The following STIM2 variants were observed in gnomAD, a reference collection of about 807,000 sequenced individuals.
The protein encoded by STIM2 is stromal interaction molecule 2.
STIM2 carries 31 observed loss-of-function variants against 85.8 expected under a neutral mutation model. That is an observed-to-expected ratio of 0.36 (90% CI 0.27 to 0.49). The LOEUF is 0.49. Ranked by LOEUF, STIM2 falls within the 20% of genes least tolerant of loss-of-function variation. The pLI is 0.98. For synonymous variants in STIM2, 356 were observed against 331.1 expected (o/e 1.08, Z -0.82); for missense variants, 841 against 927.6 (o/e 0.91, Z 1.21).
intron 2 of STIM2, among the ~76,000 whole-genome samples, chr4:26,952,956 G>A (rs1002849909): frequency 6.6e-6 from 1 of 152,016 alleles, no homozygotes; most frequent in African/African-American, 2.4e-5. Context: ...TACTTTTCTT[G>A]TGGATTTTTT....
intron 10 of STIM2, among the ~76,000 whole-genome samples, chr4:27,015,121 G>A (rs1371073525): frequency 6.6e-6 from 1 of 151,760 alleles, no homozygotes; most frequent in Non-Finnish European, 1.5e-5. Context: ...ATATGTTTCT[G>A]GCTAAGTTAA....
chr4:26,971,125 T>C (rs1050915357), intron 3 of STIM2, among the ~76,000 whole-genome samples: 23 of 152,224 alleles, frequency 1.5e-4, no homozygotes, highest in Non-Finnish European at 8.8e-5. Flanking sequence ...TTGAGTTCTT[T>C]GTAGATTCTG....
intron 2 of STIM2, among the ~76,000 whole-genome samples, chr4:26,923,700 C>A: frequency 2.1e-5 from 1 of 48,700 alleles, no homozygotes; most frequent in African/African-American, 8.3e-5. Context: ...TATAAATGGA[C>A]TAAATTCTGC....
intron 1 of STIM2, among the ~76,000 whole-genome samples, chr4:26,876,987 A>G (rs1177621962): frequency 6.6e-6 from 1 of 152,186 alleles, no homozygotes; most frequent in Non-Finnish European, 1.5e-5. Context: ...TAAGGTAACT[A>G]TAACTTAACC....
chr4:26,953,299 C>T (rs1043186473), intron 2 of STIM2, among the ~76,000 whole-genome samples: 5 of 152,130 alleles, frequency 3.3e-5, no homozygotes, highest in African/African-American at 1.2e-4. Flanking sequence ...TAAACTTTGA[C>T]ATTGATTCAA....
chr4:26,913,515 T>G (rs1724417411), intron 1 of STIM2, among the ~76,000 whole-genome samples: 1 of 152,192 alleles, frequency 6.6e-6, no homozygotes, highest in Admixed American at 6.5e-5. Context: ...GAATAGAATT[T>G]ATACTTTAGG....
At chr4:26,932,914 A>G (rs1372969384) in intron 2 of STIM2, among the ~76,000 whole-genome samples, 6 of 152,264 alleles carry the variant, frequency 3.9e-5, no homozygotes, top group Admixed American at 2.0e-4. Context: ...GAAAAAACAC[A>G]TAACGACTTG....
chr4:26,930,822 A>C (rs2109074194), intron 2 of STIM2, among the ~76,000 whole-genome samples: 1 of 152,308 alleles, frequency 6.6e-6, no homozygotes, highest in East Asian at 1.9e-4. Context: ...GTTAACTTTT[A>C]ACTTATGTGT....
intron 2 of STIM2, among the ~76,000 whole-genome samples, chr4:26,920,115 T>TG (rs1164203576): frequency 2.6e-5 from 4 of 152,198 alleles, no homozygotes; most frequent in Non-Finnish European, 1.5e-5. Flanking sequence ...TTATTCTGCA[T>TG]AATGTCTTTC....
intron 10 of STIM2, 65 bp from the exon 11 acceptor site, chr4:27,017,646 A>T: frequency 6.3e-7 from 1 of 1,583,502 alleles, no homozygotes; most frequent in Non-Finnish European, 8.6e-7. Context: ...GTGTGTATGT[A>T]TTTGTGGTGA....
chr4:26,920,436 C>G (rs1344935754), intron 2 of STIM2, among the ~76,000 whole-genome samples: 1 of 152,088 alleles, frequency 6.6e-6, no homozygotes, highest in Non-Finnish European at 1.5e-5. Flanking sequence ...GTCTTAGTTT[C>G]TCCCTAAAAG....
intron 2 of STIM2, among the ~76,000 whole-genome samples, chr4:26,932,360 G>T (rs777126780): frequency 8.6e-5 from 13 of 152,014 alleles, no homozygotes; most frequent in Admixed American, 6.5e-4. Context: ...GTGGTCAGTC[G>T]GTTTTTGTTT....
chr4:26,967,407 T>C (rs1261937525), intron 3 of STIM2, among the ~76,000 whole-genome samples: 2 of 152,074 alleles, frequency 1.3e-5, no homozygotes, highest in African/African-American at 4.8e-5. Context: ...AAATCAGTAA[T>C]GGCCATCAGA....
intron 1 of STIM2, among the ~76,000 whole-genome samples, chr4:26,884,984 T>C (rs1372197145): frequency 6.6e-6 from 1 of 152,212 alleles, no homozygotes; most frequent in African/African-American, 2.4e-5. Flanking sequence ...AAAACTTGCT[T>C]TATTTCAAAC....
chr4:26,929,501 T>G (rs757911664), intron 2 of STIM2, among the ~76,000 whole-genome samples: 1 of 152,130 alleles, frequency 6.6e-6, no homozygotes, highest in Non-Finnish European at 1.5e-5. Context: ...AGTACTTAAT[T>G]TCTTGTGATT....
chr4:26,971,766 A>G (rs919842543), intron 3 of STIM2, among the ~76,000 whole-genome samples: 1 of 152,080 alleles, frequency 6.6e-6, no homozygotes, highest in East Asian at 1.9e-4. Flanking sequence ...TTTTTTTCCA[A>G]TTCTGTGAAG....
intron 1 of STIM2, among the ~76,000 whole-genome samples, chr4:26,913,390 A>G (rs987914896): frequency 3.9e-5 from 6 of 152,136 alleles, no homozygotes; most frequent in Non-Finnish European, 8.8e-5. Context: ...CTCTATCACG[A>G]GAGTATGAGA....
In STIM2 at chr4:26,902,054, T is replaced by C. The variant is rs547665064; in HGVS notation, c.152-17450T>C. Among the ~76,000 whole-genome samples, 3 of 152,254 alleles carry C rather than the reference T, an allele frequency of 2.0e-5. No individual in the cohort carries two copies. In the East Asian group the frequency reaches 5.8e-4, roughly 29 times the overall value. On this transcript the variant is annotated intron_variant, in intron 1 of 11. Coordinates refer to ENST00000467087, the MANE Select transcript of STIM2 (RefSeq NM_020860.4). ...ATGCTGTGGAGGTTGGTCTTCATTC[T>C]TTTTGGGGGAATGGGAGGCACTGAA...
chr4:26,862,885 A>G (rs779365517), intron 1 of STIM2, among the ~76,000 whole-genome samples: 3 of 152,212 alleles, frequency 2.0e-5, no homozygotes, highest in Non-Finnish European at 4.4e-5. Context: ...TAATTTGAAG[A>G]TTTAATGCCT....
Sources: allele counts gnomAD v4.1 joint callset (sites outside exome capture counted in the v4.1 genomes callset), GRCh38; gene constraint gnomAD v4.1.1; transcripts MANE v1.5; gene names NCBI Gene and HGNC (gene_info 2026-07-23, HGNC 2026-07-21).